ANO2: variants seen among roughly 807,000 people sequenced by gnomAD.
ANO2 encodes anoctamin-2.
Under a neutral mutation model 124.2 loss-of-function variants are expected in ANO2, and 101 were observed. The ratio of observed to expected loss-of-function variants is 0.81; its 90% CI spans 0.69 to 0.96. ANO2 has a LOEUF of 0.96. Ranked by LOEUF, ANO2 falls within the 40% of genes least tolerant of loss-of-function variation. ANO2 has a pLI of 0.00. For synonymous variants in ANO2, 486 were observed against 482.5 expected (o/e 1.01, Z -0.09); for missense variants, 1,293 against 1,274.5 (o/e 1.01, Z -0.22).
At chr12:5,661,356 C>A (rs964668888) in intron 14 of ANO2, among the ~76,000 whole-genome samples, 2 of 152,296 alleles carry the variant, frequency 1.3e-5, no homozygotes, top group East Asian at 3.9e-4. Flanking sequence ...TCCTCTTATT[C>A]TTATTTTCTT....
intron 3 of ANO2, among the ~76,000 whole-genome samples, chr12:5,880,328 A>G (rs1031457413): frequency 6.6e-5 from 10 of 152,098 alleles, no homozygotes; most frequent in Admixed American, 5.9e-4. Flanking sequence ...GTTAAAGAAG[A>G]GCATTTGAGA....
chr12:5,644,748 C>A (rs975663162), intron 15 of ANO2, among the ~76,000 whole-genome samples: 2 of 152,140 alleles, frequency 1.3e-5, no homozygotes, highest in East Asian at 3.9e-4. Context: ...ATGAGAGATT[C>A]GGTTGATAGC....
chr12:5,575,997 T>C lies in ANO2; in HGVS notation c.2458A>G (p.Thr820Ala). The change falls in exon 23 of 25, where the codon ACC becomes GCC. Residue 820 changes from threonine to alanine, a missense_variant. Thr to Ala is a moderately conservative substitution (Grantham distance 58, BLOSUM62 0). Transcript: ENST00000682330. ...VISNAFVIAI[T>A]SDFIPRLVYQ... ...ACCAGGCGGGGGATAAAGTCGGAGG[T>C]GATCGCAATGACAAAAGCCTGAGGG... 3 of 1,607,084 alleles carry C rather than the reference T, an allele frequency of 1.9e-6. No homozygotes were observed. Among genetic ancestry groups the C allele is most frequent in the South Asian group, 2.2e-5 (2 of 89,662 alleles).
At chr12:5,742,245 A>G (rs1469797466) in intron 12 of ANO2, among the ~76,000 whole-genome samples, 1 of 152,180 alleles carries the variant, frequency 6.6e-6, no homozygotes, top group Non-Finnish European at 1.5e-5. Flanking sequence ...CAGCACCACT[A>G]ATCATAATAA....
intron 8 of ANO2, among the ~76,000 whole-genome samples, chr12:5,806,691 G>GT (rs1310612350): frequency 6.6e-6 from 1 of 152,202 alleles, no homozygotes; most frequent in Non-Finnish European, 1.5e-5. Context: ...TGGTATGTTC[G>GT]TAACATTATC....
At chr12:5,750,734 T>TG (rs1428699070) in intron 11 of ANO2, 102 bp downstream of exon 11, 30 of 1,208,212 alleles carry the variant, frequency 2.5e-5, no homozygotes, top group Non-Finnish European at 3.5e-5. Flanking sequence ...TGATAGAGGG[T>TG]GAGGGCTTTG....
intron 10 of ANO2, among the ~76,000 whole-genome samples, chr12:5,751,941 G>A (rs1951454125): frequency 2.6e-5 from 4 of 152,154 alleles, no homozygotes; most frequent in South Asian, 2.1e-4. Context: ...TGAGTTTGAC[G>A]GTTTTAGATT....
At chr12:5,916,492 TAAA>T (rs57056611) in intron 3 of ANO2, among the ~76,000 whole-genome samples, 5 of 93,150 alleles carry the variant, frequency 5.4e-5, no homozygotes, top group East Asian at 3.0e-4. Context: ...CGCAGCAGGT[TAAA>T]AAAAAAAAAA....
intron 4 of ANO2, among the ~76,000 whole-genome samples, chr12:5,843,431 T>A (rs1308964503): frequency 6.6e-6 from 1 of 151,868 alleles, no homozygotes; most frequent in Non-Finnish European, 1.5e-5. Flanking sequence ...ACACCTATAA[T>A]CCCAGCTACT....
chr12:5,832,896 C>G (rs1831406883), intron 4 of ANO2, among the ~76,000 whole-genome samples: 1 of 152,172 alleles, frequency 6.6e-6, no homozygotes, highest in Non-Finnish European at 1.5e-5. Context: ...AACTGCACAC[C>G]TACAATGTGA....
At chr12:5,746,053 C>T (rs1282497021) in intron 11 of ANO2, among the ~76,000 whole-genome samples, 1 of 152,186 alleles carries the variant, frequency 6.6e-6, no homozygotes, top group Non-Finnish European at 1.5e-5. Flanking sequence ...CATATGAGTT[C>T]CTCAATGCTG....
At chr12:5,799,439 G>A (rs1952970810) in intron 10 of ANO2, 68 bp downstream of exon 10, 1 of 1,354,198 alleles carries the variant, frequency 7.4e-7, no homozygotes, top group Non-Finnish European at 1.0e-6. Flanking sequence ...AGAGTCAAAA[G>A]GTTTATGATA....
At chr12:5,656,757 A>G (rs1037355352) in intron 14 of ANO2, among the ~76,000 whole-genome samples, 3 of 152,246 alleles carry the variant, frequency 2.0e-5, no homozygotes, top group African/African-American at 7.2e-5. Context: ...CTCAGTTCTG[A>G]AAACAATCTT....
intron 10 of ANO2, among the ~76,000 whole-genome samples, chr12:5,793,908 G>A (rs1952769482): frequency 6.6e-6 from 1 of 152,214 alleles, no homozygotes; most frequent in Non-Finnish European, 1.5e-5. Context: ...TACAACTGGA[G>A]GAGAGTGGCA....
At chr12:5,669,665 T>A (rs1947895785) in intron 14 of ANO2, among the ~76,000 whole-genome samples, 1 of 152,190 alleles carries the variant, frequency 6.6e-6, no homozygotes, top group Non-Finnish European at 1.5e-5. Context: ...TGATATTGGC[T>A]GTGGGTTTGT....
chr12:5,685,453 C>A (rs1239305676), intron 14 of ANO2, among the ~76,000 whole-genome samples: 9 of 152,180 alleles, frequency 5.9e-5, no homozygotes, highest in Non-Finnish European at 1.0e-4. Flanking sequence ...CCTCACCATG[C>A]CACCTCTGCC....
At chr12:5,938,688 G>T (rs1942760404) in intron 1 of ANO2, among the ~76,000 whole-genome samples, 1 of 152,128 alleles carries the variant, frequency 6.6e-6, no homozygotes, top group South Asian at 2.1e-4. Flanking sequence ...AGCTGGGTGT[G>T]GTGGCAGGCA....
intron 19 of ANO2, among the ~76,000 whole-genome samples, chr12:5,604,911 T>C (rs1234403218): frequency 6.6e-6 from 1 of 151,580 alleles, no homozygotes. Context: ...GCTTTTCTTT[T>C]TTTTTTTTAA....
chr12:5,617,808 T>C (rs568476930), intron 16 of ANO2, among the ~76,000 whole-genome samples: 4 of 152,338 alleles, frequency 2.6e-5, no homozygotes, highest in Middle Eastern at 3.4e-3. Context: ...ACTACATGCC[T>C]TCAGCAGGTA....
Sources: gnomAD v4.1 joint callset for allele counts (sites outside exome capture counted in the v4.1 genomes callset) on GRCh38, gnomAD v4.1.1 for gene constraint, MANE v1.5 for transcripts, NCBI Gene and HGNC (gene_info 2026-07-23, HGNC 2026-07-21) for gene names.